HS3ST4: variants seen among roughly 807,000 people sequenced by gnomAD.
HS3ST4 encodes the protein heparan sulfate glucosamine 3-O-sulfotransferase 4.
A neutral mutation model predicts 29.2 loss-of-function variants in HS3ST4; 17 were observed. The ratio of observed to expected loss-of-function variants is 0.58; its 90% confidence interval spans 0.40 to 0.87. HS3ST4 has a LOEUF of 0.87. HS3ST4 is among the 40% of genes least tolerant of loss of function. The pLI, the probability that HS3ST4 is intolerant of heterozygous loss-of-function variation, is 0.00. For missense variants in HS3ST4, 627 were observed against 634.5 expected (o/e 0.99, Z 0.13); for synonymous variants, 314 against 285.7 (o/e 1.10, Z -1.00).
intron 1 of HS3ST4, among the ~76,000 whole-genome samples, chr16:25,857,954 T>TTCTC (rs1967597186): frequency 1.8e-5 from 1 of 56,084 alleles, no homozygotes; most frequent in African/African-American, 1.0e-4. Flanking sequence ...CTTTCTTTCT[T>TTCTC]TCTTTCTTTC....
chr16:25,996,286 A>G (rs567211170), intron 1 of HS3ST4, among the ~76,000 whole-genome samples: 2 of 152,324 alleles, frequency 1.3e-5, no homozygotes, highest in Non-Finnish European at 2.9e-5. Context: ...CCAGAGGGCC[A>G]GGGTAAAACT....
At chr16:26,004,818 A>C (rs1233268250) in intron 1 of HS3ST4, among the ~76,000 whole-genome samples, 1 of 152,146 alleles carries the variant, frequency 6.6e-6, no homozygotes, top group Non-Finnish European at 1.5e-5. Flanking sequence ...ACCCATTTGA[A>C]GTGGTTTTTA....
intron 1 of HS3ST4, among the ~76,000 whole-genome samples, chr16:25,962,952 C>T (rs1968808989): frequency 6.6e-6 from 1 of 152,190 alleles, no homozygotes; most frequent in East Asian, 1.9e-4. Context: ...AGTGCCATTA[C>T]TCCTCCTACT....
Position 25,972,779 on chromosome 16 carries a change from G to T in HS3ST4, c.735-162833G>T, listed in dbSNP as rs574296832. 2.0e-5 allele frequency among the ~76,000 whole-genome samples: 3 copies of T among 152,296 alleles called. No homozygotes were observed. The East Asian group carries it at 5.8e-4, about 29-fold the overall frequency. ...TGCAGGGTGTGAATGCGAAGAGGGA[G>T]GGGGATCCTTAGGAGCCATCAGTGC... On this transcript the variant is annotated intron_variant, in intron 1 of 1. Transcript: ENST00000331351.
intron 1 of HS3ST4, among the ~76,000 whole-genome samples, chr16:25,758,971 C>CA (rs1488751720): frequency 1.8e-4 from 6 of 33,638 alleles, no homozygotes; most frequent in East Asian, 6.2e-4. Flanking sequence ...AAACAAAAAA[C>CA]AAAAAAACAA....
intron 1 of HS3ST4, among the ~76,000 whole-genome samples, chr16:25,828,266 T>TCTCTCTCTCTC (rs1967247254): frequency 4.9e-5 from 4 of 82,176 alleles, no homozygotes; most frequent in Admixed American, 1.3e-4. Flanking sequence ...CTTTCTTTCT[T>TCTCTCTCTCTC]TCTTTCTTTC....
At chr16:26,034,779 G>T (rs1969568085) in intron 1 of HS3ST4, among the ~76,000 whole-genome samples, 1 of 151,842 alleles carries the variant, frequency 6.6e-6, no homozygotes, top group South Asian at 2.1e-4. Flanking sequence ...GACCAGCCTG[G>T]GCAACATAGC....
chr16:26,101,203 C>T (rs1378618918), intron 1 of HS3ST4, among the ~76,000 whole-genome samples: 1 of 146,536 alleles, frequency 6.8e-6, no homozygotes, highest in Non-Finnish European at 1.5e-5. Flanking sequence ...CTCCTTTGCC[C>T]TCCATCTCCA....
chr16:25,763,803 G>C (rs183317837), intron 1 of HS3ST4, among the ~76,000 whole-genome samples: 3 of 152,344 alleles, frequency 2.0e-5, no homozygotes, highest in African/African-American at 7.2e-5. Context: ...GTTGAGGGCA[G>C]TGGTGAGCTG....
At chr16:26,131,029 C>T (rs1246087817) in intron 1 of HS3ST4, among the ~76,000 whole-genome samples, 1 of 152,250 alleles carries the variant, frequency 6.6e-6, no homozygotes, top group African/African-American at 2.4e-5. Flanking sequence ...GCCACTGGCA[C>T]AGGCCAACAA....
At chr16:25,888,122 A>T (rs916908165) in intron 1 of HS3ST4, among the ~76,000 whole-genome samples, 1 of 152,116 alleles carries the variant, frequency 6.6e-6, no homozygotes, top group Non-Finnish European at 1.5e-5. Context: ...TAATTGCTTA[A>T]TGTGGACTTC....
At chr16:26,015,070 C>T (rs1192708798) in intron 1 of HS3ST4, among the ~76,000 whole-genome samples, 2 of 152,158 alleles carry the variant, frequency 1.3e-5, no homozygotes, top group Non-Finnish European at 2.9e-5. Context: ...TTGTTAGAGT[C>T]GTATTTGGAG....
chr16:25,924,128 C>A (rs1209857954), intron 1 of HS3ST4, among the ~76,000 whole-genome samples: 1 of 152,174 alleles, frequency 6.6e-6, no homozygotes, highest in African/African-American at 2.4e-5. Context: ...TATCTGGCAT[C>A]CACTGTCTCA....
At chr16:25,845,647 G>GTAATAATAATAATAA (rs60639924) in intron 1 of HS3ST4, among the ~76,000 whole-genome samples, 26 of 143,332 alleles carry the variant, frequency 1.8e-4, no homozygotes, top group South Asian at 4.6e-4. Flanking sequence ...GGAATAGCAT[G>GTAATAATAATAATAA]TAATAATAAT....
chr16:25,829,479 T>C (rs1371209792), intron 1 of HS3ST4, among the ~76,000 whole-genome samples: 6 of 152,230 alleles, frequency 3.9e-5, no homozygotes, highest in Non-Finnish European at 8.8e-5. Context: ...TAGGTATACA[T>C]GTACCGTGGT....
chr16:25,693,167 C>T lies in HS3ST4; in HGVS notation c.734+16C>T. 1 of 1,550,520 alleles carries T rather than the reference C, an allele frequency of 6.4e-7. No homozygotes were observed. On this transcript the variant is annotated intron_variant, in intron 1 of 1. Transcript: ENST00000331351. ...AGTGGTACAGGTAGGACCCTGGGCT[C>T]CGCGGGCTGGTGGAGACGCGTGGGG...
At chr16:25,791,043 T>A (rs1158712475) in intron 1 of HS3ST4, among the ~76,000 whole-genome samples, 1 of 152,152 alleles carries the variant, frequency 6.6e-6, no homozygotes, top group African/African-American at 2.4e-5. Context: ...GAGCTCCAAT[T>A]TATATATGAT....
chr16:25,726,670 C>A (rs910029710), intron 1 of HS3ST4, among the ~76,000 whole-genome samples: 3 of 152,248 alleles, frequency 2.0e-5, no homozygotes, highest in Admixed American at 6.5e-5. Flanking sequence ...AAACCATATT[C>A]TTTGAGTTGA....
intron 1 of HS3ST4, among the ~76,000 whole-genome samples, chr16:26,092,241 C>T (rs1431519894): frequency 1.3e-5 from 2 of 152,130 alleles, no homozygotes; most frequent in Non-Finnish European, 2.9e-5. Flanking sequence ...CAGAAAAAAA[C>T]GTGGCAAAGA....
Sources: gnomAD v4.1 joint callset for allele counts (sites outside exome capture counted in the v4.1 genomes callset) on GRCh38, gnomAD v4.1.1 for gene constraint, MANE v1.5 for transcripts, NCBI Gene and HGNC (gene_info 2026-07-23, HGNC 2026-07-21) for gene names.